Variants in EZH2 observed in about 807,000 individuals in gnomAD.
The protein encoded by EZH2 is histone-lysine N-methyltransferase EZH2.
A neutral mutation model predicts 98.4 loss-of-function variants in EZH2; 18 were observed. That is an observed-to-expected ratio of 0.18 (90% CI 0.13 to 0.27). The LOEUF (loss-of-function observed/expected upper bound fraction) is 0.27, where lower values mean the gene tolerates loss of function less well. EZH2 is among the 10% of genes least tolerant of loss of function. The pLI, the probability that EZH2 is intolerant of heterozygous loss-of-function variation, is 1.00. For synonymous variants in EZH2, 338 were observed against 312.3 expected (o/e 1.08, Z -0.87); for missense variants, 470 against 935.1 (o/e 0.50, Z 6.49).
intron 3 of EZH2, among the ~76,000 whole-genome samples, chr7:148,844,514 G>A (rs559135361): frequency 6.6e-6 from 1 of 152,244 alleles, no homozygotes; most frequent in Admixed American, 6.5e-5. Context: ...AGAGTTCTAT[G>A]CAACAAAAAC....
chr7:148,867,767 G>A (rs376413039), intron 1 of EZH2, among the ~76,000 whole-genome samples: 4 of 152,100 alleles, frequency 2.6e-5, no homozygotes, highest in African/African-American at 9.7e-5. Flanking sequence ...CCAGTTTCAG[G>A]TCATTTATTT....
At chr7:148,809,721 T>C (rs1802508660) in intron 17 of EZH2, among the ~76,000 whole-genome samples, 1 of 152,112 alleles carries the variant, frequency 6.6e-6, no homozygotes, top group South Asian at 2.1e-4. Context: ...CATTTTCACA[T>C]TTAAAATTAG....
intron 1 of EZH2, among the ~76,000 whole-genome samples, chr7:148,864,481 G>A (rs1182544965): frequency 6.6e-6 from 1 of 152,090 alleles, no homozygotes; most frequent in African/African-American, 2.4e-5. Flanking sequence ...CCAGGAGTTT[G>A]AGACCAGCCT....
chr7:148,838,606 C>T (rs1811521950), intron 3 of EZH2, among the ~76,000 whole-genome samples: 1 of 152,088 alleles, frequency 6.6e-6, no homozygotes, highest in South Asian at 2.1e-4. Flanking sequence ...GAAAAAAGAA[C>T]AATTTCTGTC....
At chr7:148,844,475 C>CA (rs1017428729) in intron 3 of EZH2, among the ~76,000 whole-genome samples, 5 of 151,738 alleles carry the variant, frequency 3.3e-5, no homozygotes, top group Admixed American at 1.3e-4. Flanking sequence ...ACACCAGCAA[C>CA]AAAAAAAATG....
intron 1 of EZH2, 82 bp from the exon 2 acceptor site, chr7:148,847,387 A>AC: frequency 6.5e-7 from 1 of 1,533,580 alleles, no homozygotes; most frequent in Non-Finnish European, 8.9e-7. Context: ...GCAGCAAACT[A>AC]ACAATCAGTG....
chr7:148,870,671 A>G (rs1819225426), intron 1 of EZH2, among the ~76,000 whole-genome samples: 1 of 150,108 alleles, frequency 6.7e-6, no homozygotes, highest in African/African-American at 2.5e-5. Flanking sequence ...CACTGCACCT[A>G]GGTGACAGAG....
chr7:148,827,328 T>C, intron 6 of EZH2, 62 bp from the exon 7 acceptor site: 1 of 1,246,968 alleles, frequency 8.0e-7, no homozygotes, highest in Non-Finnish European at 1.2e-6. Flanking sequence ...GATCTTTCAT[T>C]TTCTCTACCC....
intron 3 of EZH2, among the ~76,000 whole-genome samples, chr7:148,841,492 A>G (rs1812429952): frequency 1.3e-5 from 2 of 152,348 alleles, no homozygotes; most frequent in South Asian, 4.1e-4. Context: ...GTTCAGACTA[A>G]GAGTAAGACA....
chr7:148,859,537 A>AC (rs60655661), intron 1 of EZH2, among the ~76,000 whole-genome samples: 4 of 151,772 alleles, frequency 2.6e-5, no homozygotes, highest in Admixed American at 1.3e-4. Flanking sequence ...AACAACAACA[A>AC]AGTAAAATGT....
chr7:148,829,919 CCT>C, intron 4 of EZH2, 71 bp from the exon 5 acceptor site: 1 of 1,203,736 alleles, frequency 8.3e-7, no homozygotes, highest in Non-Finnish European at 1.2e-6. Flanking sequence ...TAAAATACAA[CCT>C]TTTTTTCATG....
At chr7:148,864,989 T>C (rs1252406845) in intron 1 of EZH2, among the ~76,000 whole-genome samples, 1 of 152,082 alleles carries the variant, frequency 6.6e-6, no homozygotes, top group Admixed American at 6.5e-5. Context: ...TAGCCGGGTA[T>C]GGTGGCAGGT....
chr7:148,882,494 T>C (rs1585344291), intron 1 of EZH2, among the ~76,000 whole-genome samples: 1 of 152,194 alleles, frequency 6.6e-6, no homozygotes, highest in Non-Finnish European at 1.5e-5. Context: ...TTAGAGACCA[T>C]GAATAGAAAA....
chr7:148,850,416 G>C lies in EZH2; in HGVS notation c.-7-3111C>G, dbSNP rs139991901. ...AGAACTGTCCTTGTCTAATATTCTG[G>C]AAGACTTTCCATGCTGTTTCTACCA... is the stretch of plus-strand genomic sequence containing the variant. On this transcript the variant is annotated intron_variant, in intron 1 of 19. Coordinates refer to ENST00000320356, the MANE Select transcript of EZH2 (RefSeq NM_004456.5). The C allele has an allele frequency of 8.3e-5, 72 of 869,682 alleles. No homozygotes were observed. The African/African-American group carries it at 1.2e-3, about 15-fold the overall frequency. 53.9% of individuals were successfully genotyped at this position (869,682 alleles called of 1,614,324 possible).
At chr7:148,814,465 A>G (rs1210057731) in intron 14 of EZH2, among the ~76,000 whole-genome samples, 5 of 152,110 alleles carry the variant, frequency 3.3e-5, no homozygotes, top group Non-Finnish European at 5.9e-5. Context: ...CACTCCCTTA[A>G]TACCCAAGCT....
At chr7:148,832,783 A>G (rs755633390) in intron 3 of EZH2, 33 bp from the exon 4 acceptor site, 2 of 1,358,384 alleles carry the variant, frequency 1.5e-6, no homozygotes, top group Non-Finnish European at 2.1e-6. Flanking sequence ...GACTCTTAAG[A>G]ATAAAAGGAC....
intron 1 of EZH2, among the ~76,000 whole-genome samples, chr7:148,881,361 A>G (rs1274434084): frequency 6.6e-6 from 1 of 152,200 alleles, no homozygotes; most frequent in Non-Finnish European, 1.5e-5. Flanking sequence ...TTTGCCTAAA[A>G]TTTTTAAATG....
intron 8 of EZH2, among the ~76,000 whole-genome samples, chr7:148,820,305 CAGAA>C (rs995778715): frequency 3.9e-5 from 6 of 152,066 alleles, no homozygotes; most frequent in Non-Finnish European, 5.9e-5. Context: ...AATAATGTAA[CAGAA>C]AGATTCAAAT....
intron 8 of EZH2, among the ~76,000 whole-genome samples, chr7:148,823,825 A>G (rs1806880310): frequency 6.6e-6 from 1 of 152,008 alleles, no homozygotes; most frequent in South Asian, 2.1e-4. Context: ...ACATCTTCAT[A>G]TTAATACTTT....
Sources: allele counts gnomAD v4.1 joint callset (sites outside exome capture counted in the v4.1 genomes callset), GRCh38; gene constraint gnomAD v4.1.1; transcripts MANE v1.5; gene names NCBI Gene and HGNC (gene_info 2026-07-23, HGNC 2026-07-21).